Variants in SLC7A11 observed in about 807,000 individuals in gnomAD.
SLC7A11 encodes the protein solute carrier family 7 member 11, also known as cystine/glutamate transporter.
Under a neutral mutation model 54.5 loss-of-function variants are expected in SLC7A11, and 35 were observed. That is an observed-to-expected ratio of 0.64 (90% CI 0.49 to 0.85). SLC7A11 has a LOEUF of 0.85. Among genes scored for constraint, SLC7A11 ranks in the 40% least tolerant of loss-of-function variants. The probability of loss-of-function intolerance (pLI) is 0.00; values close to 1 mark genes in which losing one functional copy is unlikely to be tolerated. For missense variants in SLC7A11, 583 were observed against 618.1 expected (o/e 0.94, Z 0.60); for synonymous variants, 230 against 225.2 (o/e 1.02, Z -0.19).
At chr4:138,238,062 C>G (rs1738284054) in intron 1 of SLC7A11, among the ~76,000 whole-genome samples, 1 of 151,934 alleles carries the variant, frequency 6.6e-6, no homozygotes, top group East Asian at 1.9e-4. Context: ...CCAGAATATA[C>G]TTTTTAAAAT....
At chr4:138,239,486 T>C (rs1738325386) in intron 1 of SLC7A11, among the ~76,000 whole-genome samples, 1 of 152,210 alleles carries the variant, frequency 6.6e-6, no homozygotes, top group Admixed American at 6.5e-5. Context: ...GATTATTTTT[T>C]CTTCAGATTT....
At chr4:138,223,843 CTTCT>C (rs1324520744) in intron 3 of SLC7A11, among the ~76,000 whole-genome samples, 1 of 152,230 alleles carries the variant, frequency 6.6e-6, no homozygotes, top group Non-Finnish European at 1.5e-5. Flanking sequence ...TTTTGGTTGT[CTTCT>C]TTCTAATTAG....
rs571289703 is a variant in SLC7A11, at chr4:138,167,044, A to G, written c.*4912T>C. The G allele has an allele frequency of 1.3e-5, 2 of 152,130 alleles. No individual in the cohort carries two copies. Among genetic ancestry groups the G allele is most frequent in the South Asian group, 2.1e-4 (1 of 4,818 alleles). 9.4% of individuals were successfully genotyped at this position (152,130 alleles called of 1,614,324 possible). A position where few individuals can be genotyped will look rare whatever the true frequency, so the allele number is the denominator to read the frequency against. On this transcript the variant is annotated 3_prime_UTR_variant, in exon 12 of 12. Coordinates refer to ENST00000280612, the MANE Select transcript of SLC7A11 (RefSeq NM_014331.4). ...GGAAAATATAAGGAAAGAAATAATT[A>G]TCTCCCAAAATTGACTATTAAAAAA...
rs1458592361 is a variant in SLC7A11, at chr4:138,164,547, T to C, written c.*7409A>G. 6.6e-6 allele frequency: 1 copy of C among 152,146 alleles called. No homozygotes were observed. The highest frequency in any genetic ancestry group is 6.5e-5 in the Admixed American group (1 of 15,278). The allele number at this position is 152,146 out of a possible 1,614,324, so 9.4% of individuals were successfully genotyped here. On this transcript the variant is annotated 3_prime_UTR_variant, in exon 12 of 12. Transcript: ENST00000280612. Reference sequence around the variant, plus strand: ...TGAAAGTCTCTCTGCACCATTTATATCTTCATAGATAAATATCTTAGTTCT... The same window carrying C: ...TGAAAGTCTCTCTGCACCATTTATACCTTCATAGATAAATATCTTAGTTCT...
At chr4:138,191,303 TG>T (rs1385749782) in intron 6 of SLC7A11, among the ~76,000 whole-genome samples, 1 of 152,124 alleles carries the variant, frequency 6.6e-6, no homozygotes, top group African/African-American at 2.4e-5. Flanking sequence ...AGGCTATGGG[TG>T]TTTTCACTGA....
intron 2 of SLC7A11, 106 bp downstream of exon 2, chr4:138,236,219 A>G (rs769261597): frequency 4.6e-6 from 4 of 865,342 alleles, no homozygotes; most frequent in Non-Finnish European, 7.1e-6. Context: ...CATGTTTATC[A>G]TGTAGTCACA....
intron 6 of SLC7A11, among the ~76,000 whole-genome samples, chr4:138,208,349 T>C (rs1737459212): frequency 2.0e-5 from 3 of 152,098 alleles, no homozygotes; most frequent in Non-Finnish European, 4.4e-5. Flanking sequence ...GGAATAAGGC[T>C]AATAGACAAA....
intron 2 of SLC7A11, among the ~76,000 whole-genome samples, chr4:138,232,681 C>A (rs1738108979): frequency 6.6e-6 from 1 of 152,144 alleles, no homozygotes; most frequent in Non-Finnish European, 1.5e-5. Context: ...TACATGAGAT[C>A]TTGACAGAGC....
At chr4:138,210,415 G>T (rs1276962418) in intron 6 of SLC7A11, among the ~76,000 whole-genome samples, 1 of 152,054 alleles carries the variant, frequency 6.6e-6, no homozygotes, top group African/African-American at 2.4e-5. Flanking sequence ...AAACTAAAGA[G>T]CTTCTGCACA....
chr4:138,212,945 A>G (rs559474296), intron 6 of SLC7A11, among the ~76,000 whole-genome samples: 1 of 151,990 alleles, frequency 6.6e-6, no homozygotes, highest in Admixed American at 6.6e-5. Flanking sequence ...CTTAACATAC[A>G]TAGTTACGAA....
In SLC7A11 at chr4:138,171,197, C is replaced by T. The variant is rs1736416334; in HGVS notation, c.*759G>A. On this transcript the variant is annotated 3_prime_UTR_variant, in exon 12 of 12. Transcript: ENST00000280612. The stretch of plus-strand genomic sequence containing the variant: ...AACTCTTGCTCTAAGATGTGTTATA[C>T]ACTTTCCTGATCAAACTGATGTGAA... 6.6e-6 allele frequency: 1 copy of T among 151,684 alleles called. No homozygotes were observed. Among genetic ancestry groups the T allele is most frequent in the Non-Finnish European group, 1.5e-5 (1 of 67,942 alleles). The allele number at this position is 151,684 out of a possible 1,614,324, so 9.4% of individuals were successfully genotyped here.
chr4:138,200,434 G>A (rs746136252), intron 6 of SLC7A11, among the ~76,000 whole-genome samples: 4 of 152,124 alleles, frequency 2.6e-5, no homozygotes, highest in Non-Finnish European at 5.9e-5. Flanking sequence ...GCTTTAGAAA[G>A]TCAAATGCAG....
At position 138,180,836 on chromosome 4, in the gene SLC7A11, CAG is replaced by C. The variant is rs764301604; in HGVS notation, c.1117-48_1117-47del. On this transcript the variant is annotated intron_variant, in intron 9 of 11. Transcript: ENST00000280612. ...AAGCTTGGTGAATTCAGTGAAAACA[CAG>C]ATGATTAACAACAAAAACCTCACTA... The C allele has an allele frequency of 2.6e-6, 4 of 1,567,262 alleles. No homozygotes were observed. In the South Asian group the frequency reaches 4.7e-5, roughly 18 times the overall value.
At chr4:138,201,461 A>G (rs970818038) in intron 6 of SLC7A11, among the ~76,000 whole-genome samples, 3 of 152,144 alleles carry the variant, frequency 2.0e-5, no homozygotes, top group Admixed American at 1.3e-4. Context: ...TTAAAAAACT[A>G]TGAGCCTGTC....
At chr4:138,192,496 T>A (rs1034157713) in intron 6 of SLC7A11, among the ~76,000 whole-genome samples, 6 of 152,144 alleles carry the variant, frequency 3.9e-5, no homozygotes, top group South Asian at 2.1e-4. Flanking sequence ...TTTGATTGTT[T>A]AAAGCCATTG....
intron 6 of SLC7A11, among the ~76,000 whole-genome samples, chr4:138,206,153 G>A (rs1298839961): frequency 2.6e-5 from 4 of 151,720 alleles, no homozygotes; most frequent in African/African-American, 9.7e-5. Flanking sequence ...GGATTAGATG[G>A]TCTTCAAGGT....
rs150250304 is a variant in SLC7A11, at chr4:138,189,908, C to T, written c.792-4664G>A. 6.2e-4 allele frequency among the ~76,000 whole-genome samples: 95 copies of T among 152,248 alleles called. No homozygotes were observed. The East Asian group carries it at 0.018, about 28-fold the overall frequency. On this transcript the variant is annotated intron_variant, in intron 6 of 11. Transcript: ENST00000280612. ...GAAGGTTAGAAGGATTTCTGACATT[C>T]AGCCCACATGAGTGGTCTGAATTAC...
chr4:138,226,334 A>G lies in SLC7A11; in HGVS notation c.521-3010T>C, dbSNP rs867651378. On this transcript the variant is annotated intron_variant, in intron 3 of 11. Coordinates refer to ENST00000280612, the MANE Select transcript of SLC7A11 (RefSeq NM_014331.4). ...TGGTGATAGTTTCACAGGTGAATAC[A>G]TACATCACACTTTATCAAACTGTAC... 2.2e-4 allele frequency among the ~76,000 whole-genome samples: 33 copies of G among 152,346 alleles called. No homozygotes were observed. The Middle Eastern group carries it at 0.02, about 94-fold the overall frequency.
intron 2 of SLC7A11, among the ~76,000 whole-genome samples, chr4:138,234,970 C>CA (rs950913457): frequency 6.6e-6 from 1 of 151,706 alleles, no homozygotes; most frequent in South Asian, 2.1e-4. Flanking sequence ...TAATATATGC[C>CA]AAAAAAAGGG....
Sources: allele counts gnomAD v4.1 joint callset (sites outside exome capture counted in the v4.1 genomes callset), GRCh38; gene constraint gnomAD v4.1.1; transcripts MANE v1.5; gene names NCBI Gene and HGNC (gene_info 2026-07-23, HGNC 2026-07-21).